Variants in TSHZ2 observed in about 807,000 individuals in gnomAD.
TSHZ2 encodes teashirt homolog 2.
A neutral mutation model predicts 74.4 loss-of-function variants in TSHZ2; 21 were observed. The observed-to-expected ratio is 0.28, with a 90% confidence interval of 0.20 to 0.41. The LOEUF is 0.41. Among genes scored for constraint, TSHZ2 ranks in the 10% least tolerant of loss-of-function variants. The pLI is 1.00. For missense variants in TSHZ2, 1,244 were observed against 1,293.5 expected, an observed-to-expected ratio of 0.96 and a Z score of 0.59; for synonymous variants, 540 against 515.3, an observed-to-expected ratio of 1.05 and a Z score of -0.65.
chr20:53,105,100 A>G (rs1329026846), intron 1 of TSHZ2, among the ~76,000 whole-genome samples: 4 of 152,206 alleles, frequency 2.6e-5, no homozygotes, highest in Non-Finnish European at 5.9e-5. Flanking sequence ...GTCACTCCCA[A>G]GAGAGCTAGC....
chr20:53,311,163 A>G (rs1251110510), intron 2 of TSHZ2, among the ~76,000 whole-genome samples: 1 of 152,260 alleles, frequency 6.6e-6, no homozygotes, highest in Non-Finnish European at 1.5e-5. Flanking sequence ...AGCAGCTCAT[A>G]AGAGGAAAAT....
chr20:53,171,151 C>T (rs914493530), intron 1 of TSHZ2, among the ~76,000 whole-genome samples: 2 of 152,172 alleles, frequency 1.3e-5, no homozygotes, highest in Admixed American at 6.5e-5. Flanking sequence ...GCCCTCGATC[C>T]GAAAGCCTTA....
At chr20:53,286,908 C>T (rs1371055706) in intron 2 of TSHZ2, among the ~76,000 whole-genome samples, 13 of 151,738 alleles carry the variant, frequency 8.6e-5, no homozygotes, top group African/African-American at 3.1e-4. Flanking sequence ...CACACACACA[C>T]ACACACACAC....
Position 53,253,848 on chromosome 20 carries a change from C to T in TSHZ2, c.390C>T (p.Ala130=). ...TGGATAAAATGACCGCTGTCTACGC[C>T]AACATCCTGTCGGATTCCTACTGGT... ...NCMDKMTAVY[A]NILSDSYWSG... The change falls in exon 2 of 3, where the codon GCC becomes GCT. Residue 130 remains alanine (A), a synonymous_variant. Transcript: ENST00000371497. The T allele has an allele frequency of 6.2e-7, 1 of 1,614,214 alleles. No homozygotes were observed. The highest frequency in any genetic ancestry group is 1.1e-5 in the South Asian group (1 of 91,074).
At chr20:53,418,023 C>A (rs1210784093) in intron 2 of TSHZ2, among the ~76,000 whole-genome samples, 1 of 152,114 alleles carries the variant, frequency 6.6e-6, no homozygotes, top group African/African-American at 2.4e-5. Flanking sequence ...GATAATAGCA[C>A]TTATTAATGA....
At chr20:53,003,428 G>A (rs1982518470) in intron 1 of TSHZ2, among the ~76,000 whole-genome samples, 1 of 152,092 alleles carries the variant, frequency 6.6e-6, no homozygotes, top group Admixed American at 6.6e-5. Context: ...CCTTCCCTCT[G>A]TGAACTTTTG....
chr20:53,362,306 T>A (rs986283074), intron 2 of TSHZ2, among the ~76,000 whole-genome samples: 1 of 151,872 alleles, frequency 6.6e-6, no homozygotes, highest in African/African-American at 2.4e-5. Context: ...TGCCTCAGCC[T>A]CCAGAGTAGC....
intron 2 of TSHZ2, among the ~76,000 whole-genome samples, chr20:53,339,053 A>G (rs562882281): frequency 1.3e-5 from 2 of 152,330 alleles, no homozygotes; most frequent in East Asian, 1.9e-4. Context: ...ACAAATGACA[A>G]AGAATTAAGC....
At chr20:53,083,968 ATTGT>A (rs1294910294) in intron 1 of TSHZ2, among the ~76,000 whole-genome samples, 4 of 151,942 alleles carry the variant, frequency 2.6e-5, no homozygotes, top group South Asian at 2.1e-4. Context: ...CTTCTTTATT[ATTGT>A]TTAAGTTTCT....
At chr20:53,057,219 G>T (rs1270175730) in intron 1 of TSHZ2, among the ~76,000 whole-genome samples, 1 of 152,094 alleles carries the variant, frequency 6.6e-6, no homozygotes, top group Admixed American at 6.6e-5. Context: ...ACCCAGTCTT[G>T]GATATTTCTT....
intron 2 of TSHZ2, among the ~76,000 whole-genome samples, chr20:53,457,774 G>T (rs1229154611): frequency 6.6e-6 from 1 of 151,896 alleles, no homozygotes; most frequent in Non-Finnish European, 1.5e-5. Context: ...ATGAAAGGTT[G>T]TTGAATTTTG....
At chr20:53,410,620 T>TATTATTATTA (rs1443416233) in intron 2 of TSHZ2, among the ~76,000 whole-genome samples, 62 of 148,462 alleles carry the variant, frequency 4.2e-4, no homozygotes, top group African/African-American at 1.4e-3. Flanking sequence ...TTATTATTAT[T>TATTATTATTA]ATTATTAGCT....
At chr20:52,979,079 A>G (rs566811070) in intron 1 of TSHZ2, among the ~76,000 whole-genome samples, 1 of 152,208 alleles carries the variant, frequency 6.6e-6, no homozygotes, top group South Asian at 2.1e-4. Flanking sequence ...CACATAAGAA[A>G]GTGGAGAGTA....
chr20:53,334,670 G>A (rs1350416667), intron 2 of TSHZ2, among the ~76,000 whole-genome samples: 1 of 151,856 alleles, frequency 6.6e-6, no homozygotes, highest in Non-Finnish European at 1.5e-5. Flanking sequence ...GGAGTGACGT[G>A]GATTTACTTT....
rs893297996 is a variant in TSHZ2, at chr20:53,255,567, C to T, written c.2109C>T (p.Asn703=). Residue 703 remains asparagine (N), a synonymous_variant, in exon 2 of 3, where the codon AAC becomes AAT. Transcript: ENST00000371497. The surrounding 1 kb of genome is among the most constrained non-coding windows in gnomAD (Gnocchi z 4.1). ...NPLSALQSVL[N]NHLGKATEPL... Reference sequence around the variant, plus strand: ...TCAGCGCCCTGCAGTCCGTCCTGAACAATCACTTGGGCAAAGCCACGGAGC... The same window carrying T: ...TCAGCGCCCTGCAGTCCGTCCTGAATAATCACTTGGGCAAAGCCACGGAGC... 24 of 1,582,720 alleles carry T rather than the reference C, an allele frequency of 1.5e-5. No individual in the cohort carries two copies. The highest frequency in any genetic ancestry group is 2.0e-5 in the Non-Finnish European group (23 of 1,165,902).
At chr20:53,464,286 A>G (rs1413608916) in intron 2 of TSHZ2, among the ~76,000 whole-genome samples, 1 of 152,214 alleles carries the variant, frequency 6.6e-6, no homozygotes, top group Admixed American at 6.5e-5. Flanking sequence ...AGAGGGATCT[A>G]AGAGAGAGGA....
intron 2 of TSHZ2, among the ~76,000 whole-genome samples, chr20:53,310,549 G>T (rs923380445): frequency 1.3e-5 from 2 of 152,202 alleles, no homozygotes; most frequent in Admixed American, 1.3e-4. Flanking sequence ...TTTGGCCAGG[G>T]CTGCAGTCTC....
intron 2 of TSHZ2, among the ~76,000 whole-genome samples, chr20:53,469,918 G>GC (rs1166642835): frequency 1.3e-5 from 2 of 151,234 alleles, no homozygotes; most frequent in East Asian, 2.0e-4. Context: ...AGGAAGGAAG[G>GC]AAGGCAGGCA....
At chr20:53,017,151 A>G (rs1600647813) in intron 1 of TSHZ2, among the ~76,000 whole-genome samples, 1 of 152,282 alleles carries the variant, frequency 6.6e-6, no homozygotes, top group East Asian at 1.9e-4. Context: ...TCATTGCTTT[A>G]TGTGCGGTAT....
Sources: allele counts gnomAD v4.1 joint callset (sites outside exome capture counted in the v4.1 genomes callset), GRCh38; gene constraint gnomAD v4.1.1; non-coding constraint Gnocchi (gnomAD v3.1); transcripts MANE v1.5; gene names NCBI Gene and HGNC (gene_info 2026-07-23, HGNC 2026-07-21).